The following FAM13A variants were observed in gnomAD, a reference collection of about 807,000 sequenced individuals.
FAM13A encodes the protein protein FAM13A.
FAM13A carries 76 observed loss-of-function variants against 129.6 expected under a neutral mutation model. That is an observed-to-expected ratio of 0.59 (90% CI 0.49 to 0.71). The LOEUF (loss-of-function observed/expected upper bound fraction) is 0.71. FAM13A is among the 30% of genes least tolerant of loss of function. The probability of loss-of-function intolerance (pLI) is 0.00; values close to 1 mark genes in which losing one functional copy is unlikely to be tolerated. For missense variants in FAM13A, 1,108 were observed against 1,249.3 expected, an observed-to-expected ratio of 0.89 and a Z score of 1.70; for synonymous variants, 443 against 449.9, an observed-to-expected ratio of 0.98 and a Z score of 0.20.
intron 3 of FAM13A, among the ~76,000 whole-genome samples, chr4:89,012,711 G>A (rs1765898738): frequency 6.6e-6 from 1 of 152,106 alleles, no homozygotes. Context: ...CTGGCAGTTT[G>A]GTTTAGCCTA....
At chr4:88,990,591 C>T (rs775482395) in intron 4 of FAM13A, 12 of 161,638 alleles carry the variant, frequency 7.4e-5, no homozygotes, top group Non-Finnish European at 1.2e-4. Flanking sequence ...TCATAATTTT[C>T]CATCTATTGG....
chr4:88,906,509 C>A, intron 5 of FAM13A, 47 bp from the exon 6 acceptor site: 1 of 1,304,808 alleles, frequency 7.7e-7, no homozygotes, highest in Non-Finnish European at 1.1e-6. Context: ...AGAACACTTA[C>A]CCTAACCAAA....
intron 6 of FAM13A, among the ~76,000 whole-genome samples, chr4:88,868,557 C>G (rs1407601907): frequency 6.6e-6 from 1 of 152,180 alleles, no homozygotes; most frequent in Non-Finnish European, 1.5e-5. Flanking sequence ...TAAAACTGTT[C>G]AGTGGCTTTT....
chr4:88,885,070 T>C (rs1744189812), intron 6 of FAM13A, among the ~76,000 whole-genome samples: 1 of 152,092 alleles, frequency 6.6e-6, no homozygotes, highest in African/African-American at 2.4e-5. Context: ...AAAATGACCA[T>C]ACTGCCAAAA....
At chr4:88,756,656 G>A (rs1743708568) in intron 14 of FAM13A, among the ~76,000 whole-genome samples, 1 of 152,046 alleles carries the variant, frequency 6.6e-6, no homozygotes, top group Admixed American at 6.6e-5. Context: ...TCACAAATTC[G>A]TGCAAAGTTT....
intron 6 of FAM13A, among the ~76,000 whole-genome samples, chr4:88,898,003 T>C (rs1482274656): frequency 6.6e-6 from 1 of 152,138 alleles, no homozygotes; most frequent in Non-Finnish European, 1.5e-5. Flanking sequence ...AATTTCTCTA[T>C]GGAATTAGTT....
At chr4:88,880,289 C>T (rs115523931) in intron 6 of FAM13A, among the ~76,000 whole-genome samples, 1,788 of 152,224 alleles carry the variant, frequency 0.012, 31 homozygotes, top group African/African-American at 0.041. Flanking sequence ...AAAGGCGAAC[C>T]GTCCAGCCCC....
At chr4:89,030,884 G>A (rs1350091838) in intron 1 of FAM13A, among the ~76,000 whole-genome samples, 1 of 152,074 alleles carries the variant, frequency 6.6e-6, no homozygotes, top group Non-Finnish European at 1.5e-5. Context: ...ATCTCAATTT[G>A]ATTTTAAATT....
At chr4:88,978,298 G>C (rs562339177) in intron 4 of FAM13A, among the ~76,000 whole-genome samples, 7 of 152,248 alleles carry the variant, frequency 4.6e-5, no homozygotes, top group Middle Eastern at 6.8e-3. Context: ...TTAAAAGTCT[G>C]AAAGTAACAG....
Position 88,728,606 on chromosome 4 carries a change from T to G in FAM13A, c.2999A>C (p.Lys1000Thr). Residue 1000 changes from lysine to threonine, a missense_variant, in exon 24 of 24, where the codon AAG becomes ACG. Around this residue, in one of 3 missense-constraint regions of FAM13A, gnomAD observed 529 missense variants for 621.2 expected, o/e 0.85. Transcript: ENST00000264344. Reference sequence around the variant, plus strand: ...GAGCCTCAGTTTCGCCTTTATGTGCTTATATTCACTGTATTCTTCAGCCAT... The same window carrying G: ...GAGCCTCAGTTTCGCCTTTATGTGCGTATATTCACTGTATTCTTCAGCCAT... ...TPMAEEYSEY[K>T]HIKAKLRLLE... The G allele has an allele frequency of 6.2e-7, 1 of 1,614,170 alleles. No individual in the cohort carries two copies. Among genetic ancestry groups the G allele is most frequent in the Non-Finnish European group, 8.5e-7 (1 of 1,179,982 alleles).
At chr4:88,775,899 AT>A (rs1420082942) in intron 11 of FAM13A, among the ~76,000 whole-genome samples, 2 of 152,192 alleles carry the variant, frequency 1.3e-5, no homozygotes, top group Admixed American at 6.5e-5. Flanking sequence ...AAAAACTGCT[AT>A]TTTACAGATG....
chr4:88,757,362 A>G (rs1292150815), intron 14 of FAM13A, among the ~76,000 whole-genome samples: 5 of 152,192 alleles, frequency 3.3e-5, no homozygotes, highest in Non-Finnish European at 5.9e-5. Context: ...TATCACTAAG[A>G]CACAAATATA....
At chr4:88,988,813 A>G (rs1762580325) in intron 4 of FAM13A, among the ~76,000 whole-genome samples, 1 of 152,348 alleles carries the variant, frequency 6.6e-6, no homozygotes, top group South Asian at 2.1e-4. Flanking sequence ...TGGCCAAGAT[A>G]AATAGTGAGA....
At chr4:88,867,791 A>G (rs1294741609) in intron 6 of FAM13A, among the ~76,000 whole-genome samples, 1 of 152,256 alleles carries the variant, frequency 6.6e-6, no homozygotes. Flanking sequence ...TGTGATAGAA[A>G]TATAAAAACA....
chr4:88,990,920 G>T, intron 4 of FAM13A, 53 bp downstream of exon 4: 2 of 1,387,530 alleles, frequency 1.4e-6, no homozygotes, highest in Non-Finnish European at 2.0e-6. Context: ...TCAGACAGTA[G>T]TAAACACAAA....
intron 3 of FAM13A, among the ~76,000 whole-genome samples, chr4:88,993,718 C>T (rs933725618): frequency 2.6e-5 from 4 of 152,028 alleles, no homozygotes; most frequent in Non-Finnish European, 4.4e-5. Context: ...TCATTTATGG[C>T]GGCTGGGCGC....
At chr4:88,761,885 T>C (rs1485605373) in intron 13 of FAM13A, among the ~76,000 whole-genome samples, 2 of 152,136 alleles carry the variant, frequency 1.3e-5, no homozygotes, top group Non-Finnish European at 2.9e-5. Flanking sequence ...GGGGAAACTA[T>C]GGTGGACAAA....
chr4:88,802,421 A>C (rs1727662027), intron 8 of FAM13A, among the ~76,000 whole-genome samples: 1 of 151,510 alleles, frequency 6.6e-6, no homozygotes, highest in African/African-American at 2.4e-5. Context: ...TGGTGAGTTA[A>C]GTTGGAGAAG....
chr4:89,052,092 G>A (rs13150503), intron 1 of FAM13A, among the ~76,000 whole-genome samples: 43,871 of 151,798 alleles, frequency 0.29, 6,863 homozygotes, highest in Middle Eastern at 0.42. Context: ...CACCGGCAGA[G>A]ACAGCTCTAT....
Sources: gnomAD v4.1 joint callset for allele counts (sites outside exome capture counted in the v4.1 genomes callset) on GRCh38, gnomAD v4.1.1 for gene constraint, gnomAD v4.1.1 regional missense constraint, MANE v1.5 for transcripts, NCBI Gene and HGNC (gene_info 2026-07-23, HGNC 2026-07-21) for gene names.